BANP: variants seen among roughly 807,000 people sequenced by gnomAD.
The protein encoded by BANP is protein BANP.
In BANP, 11 loss-of-function variants were observed where a neutral mutation model predicts 68.1. That is an observed-to-expected ratio of 0.16 (90% confidence interval 0.10 to 0.27). The LOEUF is 0.27. Ranked by LOEUF, BANP falls within the 10% of genes least tolerant of loss-of-function variation. BANP has a pLI of 1.00. For synonymous variants in BANP, 329 were observed against 303.2 expected (o/e 1.09, Z -0.88); for missense variants, 504 against 722.7 (o/e 0.70, Z 3.47).
chr16:87,983,450 G>A (rs556562054), intron 3 of BANP, among the ~76,000 whole-genome samples: 14 of 152,230 alleles, frequency 9.2e-5, no homozygotes, highest in African/African-American at 1.7e-4. Flanking sequence ...TTTGGGGTCC[G>A]GCACGTGACT....
Position 88,002,296 on chromosome 16 carries a change from T to C in BANP, c.363-1999T>C, listed in dbSNP as rs554591170. ...TGTCCTCAGAAACTGTTTTTGATGA[T>C]CTCTGTCTATTTTGTTGAAAGCAAA... On this transcript the variant is annotated intron_variant, in intron 4 of 13. Transcript: ENST00000682872. This position sits in a 1 kb window ranked among gnomAD's most constrained non-coding sequence, Gnocchi z 4.6. Among the ~76,000 whole-genome samples, 4 of 152,240 alleles carry C rather than the reference T, an allele frequency of 2.6e-5. No homozygotes were observed. Among genetic ancestry groups the C allele is most frequent in the African/African-American group, 7.2e-5 (3 of 41,542 alleles).
intron 7 of BANP, among the ~76,000 whole-genome samples, chr16:88,019,656 CG>C (rs1174485461): frequency 1.9e-5 from 1 of 53,194 alleles, no homozygotes; most frequent in East Asian, 7.8e-4. Flanking sequence ...GGGGGCGGGG[CG>C]TCCGGGATCT....
intron 6 of BANP, among the ~76,000 whole-genome samples, chr16:88,016,020 C>T (rs1199748736): frequency 6.6e-6 from 1 of 152,216 alleles, no homozygotes; most frequent in African/African-American, 2.4e-5. Flanking sequence ...CAGCATGGGC[C>T]TCCGCAGCCT....
At chr16:88,010,314 C>T (rs2072681060) in intron 6 of BANP, among the ~76,000 whole-genome samples, 1 of 152,194 alleles carries the variant, frequency 6.6e-6, no homozygotes, top group African/African-American at 2.4e-5. Context: ...GTGACTGATC[C>T]TATACATAAA....
chr16:88,029,598 A>G (rs1406241546), intron 8 of BANP, among the ~76,000 whole-genome samples: 11 of 142,184 alleles, frequency 7.7e-5, no homozygotes, highest in Admixed American at 2.3e-4. Flanking sequence ...GCTACAGAGC[A>G]AGACTCCGTC....
chr16:87,980,602 T>C (rs958008964), intron 2 of BANP: 2 of 204,502 alleles, frequency 9.8e-6, no homozygotes, highest in African/African-American at 2.4e-5. Context: ...ATATTCAGTG[T>C]ATTTTTTCCC....
intron 4 of BANP, among the ~76,000 whole-genome samples, chr16:87,990,952 C>G (rs1213994169): frequency 2.0e-5 from 3 of 152,246 alleles, no homozygotes; most frequent in African/African-American, 7.2e-5. Context: ...TTAGTAGAGA[C>G]GGGGTTTCAC....
chr16:88,022,358 A>G lies in BANP; in HGVS notation c.895+3691A>G, dbSNP rs150995575. ...ACACCCGATCTCGTCTGATCTAAAG[A>G]ATGCTGCTGTGGATGGCCGATCCCC... On this transcript the variant is annotated intron_variant, in intron 7 of 13. Coordinates refer to ENST00000682872, the MANE Select transcript of BANP (RefSeq NM_001386991.1). Among the ~76,000 whole-genome samples the G allele has an allele frequency of 2.0e-5, 3 of 152,296 alleles. No homozygotes were observed. The East Asian group carries it at 5.8e-4, about 29-fold the overall frequency.
intron 7 of BANP, 91 bp from the exon 8 acceptor site, chr16:88,027,392 C>A: frequency 6.8e-7 from 1 of 1,476,710 alleles, no homozygotes; most frequent in Non-Finnish European, 9.3e-7. Flanking sequence ...TGGGTGAGGC[C>A]TCTTCAGCGG....
intron 4 of BANP, among the ~76,000 whole-genome samples, chr16:87,992,726 G>A (rs1431739487): frequency 6.6e-6 from 1 of 151,824 alleles, no homozygotes; most frequent in South Asian, 2.1e-4. Flanking sequence ...CCTAGGAGGC[G>A]GAGGTTGCAG....
intron 12 of BANP, 125 bp downstream of exon 12, chr16:88,065,457 G>A: frequency 1.6e-6 from 1 of 609,970 alleles, no homozygotes. Flanking sequence ...ACGTGAGGGT[G>A]ATCAGTTGAG....
chr16:87,956,420 ATC>A lies in BANP; in HGVS notation c.-69+4907_-69+4908del, dbSNP rs748125184. Among the ~76,000 whole-genome samples, 4 of 152,342 alleles carry A rather than the reference ATC, an allele frequency of 2.6e-5. No homozygotes were observed. The South Asian group carries it at 8.3e-4, about 32-fold the overall frequency. On this transcript the variant is annotated intron_variant, in intron 1 of 13. Transcript: ENST00000682872. ...GTGACGGTGGTGAAAGCATGACATC[ATC>A]TGACTTGGTCAGCAGAAGTGCTCTG...
At position 87,984,297 on chromosome 16, in the gene BANP, T is replaced by C. The variant is rs1055280315; in HGVS notation, c.362+38T>C. 21 of 1,518,244 alleles carry C rather than the reference T, an allele frequency of 1.4e-5. No individual in the cohort carries two copies. In the African/African-American group the frequency reaches 1.4e-4, roughly 10 times the overall value. The allele number at this position is 1,518,244 out of a possible 1,614,324, so 94.0% of individuals were successfully genotyped here. On this transcript the variant is annotated intron_variant, in intron 4 of 13. Transcript: ENST00000682872. ...CAGGGTGCCGGGGCCTTCAGGTCAC[T>C]TGGGGAGAAGCGCGTCACCTCCTCG...
intron 1 of BANP, among the ~76,000 whole-genome samples, chr16:87,959,504 G>A (rs1342943390): frequency 6.6e-6 from 1 of 152,230 alleles, no homozygotes; most frequent in African/African-American, 2.4e-5. Flanking sequence ...GAGGCTGCTT[G>A]CGAGGGAGGC....
intron 2 of BANP, 81 bp downstream of exon 2, chr16:87,975,266 C>T: frequency 7.1e-7 from 1 of 1,417,896 alleles, no homozygotes; most frequent in Admixed American, 1.8e-5. Context: ...TATTTTCTTT[C>T]CTTTAAGCAG....
intron 4 of BANP, among the ~76,000 whole-genome samples, chr16:87,985,396 C>T (rs760716911): frequency 2.6e-4 from 40 of 152,290 alleles, no homozygotes; most frequent in Admixed American, 1.9e-3. Flanking sequence ...CTGTCACTCA[C>T]GTGTCTCCCC....
intron 6 of BANP, among the ~76,000 whole-genome samples, chr16:88,013,930 G>C (rs2073864546): frequency 6.6e-6 from 1 of 152,192 alleles, no homozygotes; most frequent in East Asian, 1.9e-4. Context: ...CGGTAGACTG[G>C]GGTGGGTCAG....
chr16:88,001,723 C>T (rs150521103), intron 4 of BANP, among the ~76,000 whole-genome samples: 196 of 152,076 alleles, frequency 1.3e-3, no homozygotes, highest in African/African-American at 4.5e-3. Flanking sequence ...GGATTTTGAA[C>T]GTCTCACCAA....
In BANP at chr16:88,076,449, C is replaced by A. The variant is rs535910996; in HGVS notation, c.1522-141C>A. On this transcript the variant is annotated intron_variant, in intron 13 of 13. Transcript: ENST00000682872. ...GGCGTTGTGTACCAAGTCGGGTGAG[C>A]CTTGGGGCCGTCAGGGCTCCTTCGC... 37 of 676,396 alleles carry A rather than the reference C, an allele frequency of 5.5e-5. No homozygotes were observed. The East Asian group carries it at 1.0e-3, about 19-fold the overall frequency. The allele number at this position is 676,396 out of a possible 1,614,324, so 41.9% of individuals were successfully genotyped here. A position where few individuals can be genotyped will look rare whatever the true frequency, so the allele number is the denominator to read the frequency against.
Sources: gnomAD v4.1 joint callset for allele counts (sites outside exome capture counted in the v4.1 genomes callset) on GRCh38, gnomAD v4.1.1 for gene constraint, Gnocchi (gnomAD v3.1) non-coding constraint, MANE v1.5 for transcripts, NCBI Gene and HGNC (gene_info 2026-07-23, HGNC 2026-07-21) for gene names.